The following LDB3 variants were observed in gnomAD, a reference collection of about 807,000 sequenced individuals.
The protein encoded by LDB3 is LIM domain binding 3.
LDB3 carries 49 observed loss-of-function variants against 69.0 expected under a neutral mutation model. The observed-to-expected ratio is 0.71, with a 90% CI of 0.56 to 0.90. The LOEUF (loss-of-function observed/expected upper bound fraction) is 0.90, where lower values mean the gene tolerates loss of function less well. LDB3 is among the 40% of genes least tolerant of loss of function. The probability of loss-of-function intolerance (pLI) is 0.00; values close to 1 mark genes in which losing one functional copy is unlikely to be tolerated. For missense variants in LDB3, 928 were observed against 974.1 expected, an observed-to-expected ratio of 0.95 and a Z score of 0.63; for synonymous variants, 387 against 396.2, an observed-to-expected ratio of 0.98 and a Z score of 0.28.
In LDB3 at chr10:86,694,688, G is replaced by C. The variant is rs543649920; in HGVS notation, c.896+2117G>C. 6.6e-5 allele frequency among the ~76,000 whole-genome samples: 10 copies of C among 152,348 alleles called. No individual in the cohort carries two copies. The South Asian group carries it at 2.1e-3, about 32-fold the overall frequency. On this transcript the variant is annotated intron_variant, in intron 7 of 13. Transcript: ENST00000361373. Reference sequence around the variant, plus strand: ...CAGTGATCCCATGGACCCAGAGGCAGGTGCAGTGGGTGTAGCAGTTCTAAT... The same window carrying C: ...CAGTGATCCCATGGACCCAGAGGCACGTGCAGTGGGTGTAGCAGTTCTAAT...
chr10:86,670,653 T>G (rs1465775049), intron 2 of LDB3, among the ~76,000 whole-genome samples: 1 of 152,188 alleles, frequency 6.6e-6, no homozygotes, highest in Non-Finnish European at 1.5e-5. Flanking sequence ...AGGAATGTCC[T>G]TACTCTGGGG....
Position 86,699,767 on chromosome 10 carries a change from C to G in LDB3, c.897-6764C>G, listed in dbSNP as rs1730003819. The G allele has an allele frequency of 9.2e-7, 1 of 1,092,618 alleles. No homozygotes were observed. The highest frequency in any genetic ancestry group is 1.6e-5 in the African/African-American group (1 of 61,476). The allele number at this position is 1,092,618 out of a possible 1,614,324, so 67.7% of individuals were successfully genotyped here. ...ACCATCCTCAGCTCCTGGCCTCATC[C>G]CCTCCTAGAATGAGTCACCCGTAGA... On this transcript the variant is annotated intron_variant, in intron 7 of 13. Transcript: ENST00000361373. The surrounding 1 kb of genome is among the most constrained non-coding windows in gnomAD (Gnocchi z 4.9).
intron 5 of LDB3, chr10:86,685,805 T>C: frequency 1.6e-6 from 2 of 1,271,572 alleles, no homozygotes; most frequent in East Asian, 2.3e-5. Context: ...TGTGTACATG[T>C]ATGTGCATAT....
At chr10:86,679,266 C>G in intron 2 of LDB3, 101 bp from the exon 3 acceptor site, 3 of 1,429,878 alleles carry the variant, frequency 2.1e-6, no homozygotes, top group East Asian at 2.3e-5. Context: ...AACACAATGA[C>G]GGCTTCTGTT....
At chr10:86,690,010 A>G (rs1368531683) in intron 5 of LDB3, among the ~76,000 whole-genome samples, 2 of 152,224 alleles carry the variant, frequency 1.3e-5, no homozygotes, top group Non-Finnish European at 2.9e-5. Context: ...AGCAGCAACA[A>G]GAGTCCCTGG....
At chr10:86,690,375 C>T (rs1285980430) in intron 5 of LDB3, among the ~76,000 whole-genome samples, 2 of 152,244 alleles carry the variant, frequency 1.3e-5, no homozygotes, top group Admixed American at 1.3e-4. Context: ...AGCAAGATCC[C>T]ACCCTCTCCT....
rs775005024 is a variant in LDB3 at position 86,716,308 on chromosome 10, T to G, written c.1232-19T>G. 8.1e-6 allele frequency: 13 copies of G among 1,606,708 alleles called. No individual in the cohort carries two copies. In the South Asian group the frequency reaches 8.8e-5, roughly 11 times the overall value. ...AATTCCTGACACACCTTTCTTTGGG[T>G]TTTTTTTGGCTTTTGCAGTGCCTGC... is the stretch of plus-strand genomic sequence containing the variant. On this transcript the variant is annotated intron_variant, in intron 9 of 13. Transcript: ENST00000361373.
At chr10:86,680,890 G>T (rs964454996) in intron 4 of LDB3, among the ~76,000 whole-genome samples, 1 of 152,222 alleles carries the variant, frequency 6.6e-6, no homozygotes, top group African/African-American at 2.4e-5. Flanking sequence ...TGACAGGGGT[G>T]GGGTAGGTCA....
chr10:86,700,412 G>A (rs1272548940), intron 7 of LDB3, among the ~76,000 whole-genome samples: 9 of 152,128 alleles, frequency 5.9e-5, no homozygotes, highest in South Asian at 2.1e-4. Context: ...AAGGCACCCC[G>A]CAAGCTGTTC....
At chr10:86,693,796 C>T (rs1024909734) in intron 7 of LDB3, among the ~76,000 whole-genome samples, 2 of 152,266 alleles carry the variant, frequency 1.3e-5, no homozygotes, top group African/African-American at 2.4e-5. Context: ...GCTGTCCCTG[C>T]GTGCTGCTCC....
At chr10:86,693,722 CAA>C (rs1038276768) in intron 7 of LDB3, among the ~76,000 whole-genome samples, 59 of 152,308 alleles carry the variant, frequency 3.9e-4, no homozygotes, top group Admixed American at 4.6e-4. Flanking sequence ...TGATTTAGCT[CAA>C]AAGTTAAGCT....
chr10:86,702,284 T>C (rs890845872), intron 7 of LDB3, among the ~76,000 whole-genome samples: 1 of 152,178 alleles, frequency 6.6e-6, no homozygotes, highest in Non-Finnish European at 1.5e-5. Context: ...CCAACAGTTC[T>C]GACCAAGCCC....
chr10:86,709,755 C>T (rs1564653509), intron 8 of LDB3, 150 bp from the exon 9 acceptor site: 3 of 840,898 alleles, frequency 3.6e-6, no homozygotes, highest in Non-Finnish European at 5.6e-6. Flanking sequence ...CCTCATGGTC[C>T]TTCCTTCACA....
chr10:86,710,638 C>T (rs1220106851), intron 9 of LDB3, among the ~76,000 whole-genome samples: 2 of 152,196 alleles, frequency 1.3e-5, no homozygotes, highest in Non-Finnish European at 2.9e-5. Flanking sequence ...TACAGAACAG[C>T]ACATAAGGAG....
At chr10:86,712,167 C>T (rs1846694803) in intron 9 of LDB3, among the ~76,000 whole-genome samples, 1 of 152,092 alleles carries the variant, frequency 6.6e-6, no homozygotes, top group African/African-American at 2.4e-5. Flanking sequence ...CGGGCCGGGC[C>T]ACCGAGGCCG....
intron 13 of LDB3, among the ~76,000 whole-genome samples, chr10:86,730,087 T>A (rs1847402253): frequency 6.8e-6 from 1 of 146,168 alleles, no homozygotes. Flanking sequence ...CTTTTGCAGC[T>A]CATTGGCTCC....
intron 5 of LDB3, among the ~76,000 whole-genome samples, chr10:86,682,236 C>T (rs4933404): frequency 0.43 from 65,585 of 151,886 alleles, 14,888 homozygotes; most frequent in East Asian, 0.69. Context: ...GGGGAGCGTT[C>T]GAGAGGTGGA....
At position 86,732,807 on chromosome 10, in the gene LDB3, G is replaced by A. The variant is rs1041137393; in HGVS notation, c.2095-80G>A. 6.2e-6 allele frequency: 7 copies of A among 1,134,538 alleles called. No homozygotes were observed. The East Asian group carries it at 1.0e-4, about 17-fold the overall frequency. The allele number at this position is 1,134,538 out of a possible 1,614,324, so 70.3% of individuals were successfully genotyped here. On this transcript the variant is annotated intron_variant, in intron 13 of 13. Coordinates refer to ENST00000361373, the MANE Select transcript of LDB3 (RefSeq NM_007078.3). ...GACTGAGCCACCACGCCTGGCCAGG[G>A]CGTTTTCTTAAAAAAGTGATTGAAA...
At chr10:86,675,350 G>T (rs988082554) in intron 2 of LDB3, among the ~76,000 whole-genome samples, 10 of 152,212 alleles carry the variant, frequency 6.6e-5, no homozygotes, top group African/African-American at 2.2e-4. Context: ...CCTGCAGAGG[G>T]CCCCTCTGAT....
Sources: allele counts gnomAD v4.1 joint callset (sites outside exome capture counted in the v4.1 genomes callset), GRCh38; gene constraint gnomAD v4.1.1; non-coding constraint Gnocchi (gnomAD v3.1); transcripts MANE v1.5; gene names NCBI Gene and HGNC (gene_info 2026-07-23, HGNC 2026-07-21).